The following PIP5K1C variants were observed in gnomAD, a reference collection of about 807,000 sequenced individuals.
PIP5K1C encodes the protein phosphatidylinositol 4-phosphate 5-kinase type-1 gamma.
A neutral mutation model predicts 80.1 loss-of-function variants in PIP5K1C; 45 were observed. The ratio of observed to expected loss-of-function variants is 0.56; its 90% CI spans 0.44 to 0.72. The LOEUF is 0.72. PIP5K1C is among the 30% of genes least tolerant of loss of function. The pLI is 0.00. For missense variants in PIP5K1C, 753 were observed against 954.6 expected, an observed-to-expected ratio of 0.79 and a Z score of 2.78; for synonymous variants, 498 against 420.1, an observed-to-expected ratio of 1.19 and a Z score of -2.27.
At chr19:3,671,532 G>T (rs1370537305) in intron 1 of PIP5K1C, among the ~76,000 whole-genome samples, 4 of 152,218 alleles carry the variant, frequency 2.6e-5, no homozygotes, top group African/African-American at 7.2e-5. Context: ...TCCCTGCACT[G>T]GGGGCCTGTA....
intron 11 of PIP5K1C, 45 bp downstream of exon 11, chr19:3,645,929 C>T (rs775886825): frequency 5.4e-6 from 8 of 1,492,980 alleles, no homozygotes; most frequent in Non-Finnish European, 7.5e-6. Flanking sequence ...GCGCTCTGGG[C>T]CTTCCCCAGG....
At chr19:3,640,898 A>C (rs983271598) in intron 15 of PIP5K1C, among the ~76,000 whole-genome samples, 5 of 152,036 alleles carry the variant, frequency 3.3e-5, no homozygotes, top group African/African-American at 4.8e-5. Flanking sequence ...CATGTTAGCC[A>C]GGATGGTCTC....
At chr19:3,689,880 G>A (rs770389291) in intron 1 of PIP5K1C, among the ~76,000 whole-genome samples, 1 of 152,068 alleles carries the variant, frequency 6.6e-6, no homozygotes, top group Admixed American at 6.5e-5. Context: ...ATGGCAAAAC[G>A]TTAGCAGCTG....
At chr19:3,633,628 TC>T (rs1225697253) in intron 16 of PIP5K1C, 108 bp from the exon 17 acceptor site, 4 of 680,298 alleles carry the variant, frequency 5.9e-6, no homozygotes, top group African/African-American at 3.7e-5. Context: ...AAGAGGCGAA[TC>T]CCCCATGGAA....
chr19:3,638,744 G>A (rs764186717), intron 16 of PIP5K1C, 140 bp downstream of exon 16: 4 of 1,093,194 alleles, frequency 3.7e-6, no homozygotes, highest in Non-Finnish European at 5.5e-6. Flanking sequence ...GCTGGCTGGT[G>A]AGAGAGCATG....
intron 5 of PIP5K1C, among the ~76,000 whole-genome samples, chr19:3,659,911 C>T (rs1453212100): frequency 6.6e-6 from 1 of 152,208 alleles, no homozygotes; most frequent in Non-Finnish European, 1.5e-5. Context: ...AGGCTCCCGG[C>T]CCCGGGGACC....
intron 2 of PIP5K1C, among the ~76,000 whole-genome samples, chr19:3,666,655 G>A (rs1437743371): frequency 3.3e-5 from 5 of 151,384 alleles, no homozygotes; most frequent in Non-Finnish European, 4.4e-5. Context: ...ACACATGCAC[G>A]CAAACATGCA....
intron 1 of PIP5K1C, among the ~76,000 whole-genome samples, chr19:3,684,761 C>T (rs537812871): frequency 2.9e-4 from 44 of 152,340 alleles, no homozygotes; most frequent in African/African-American, 9.9e-4. Context: ...TCACCCGGCA[C>T]GTAGGGCCCA....
At chr19:3,691,962 AC>A (rs1230442093) in intron 1 of PIP5K1C, among the ~76,000 whole-genome samples, 1 of 151,870 alleles carries the variant, frequency 6.6e-6, no homozygotes, top group Non-Finnish European at 1.5e-5. Context: ...AGCTGCTCCC[AC>A]CCCAGGCTCT....
intron 1 of PIP5K1C, 90 bp downstream of exon 1, chr19:3,700,207 G>A (rs1466489118): frequency 9.5e-6 from 7 of 739,278 alleles, no homozygotes; most frequent in African/African-American, 3.8e-5. Flanking sequence ...CGCAGCGACC[G>A]TGCAGCCCCC....
chr19:3,685,436 G>A (rs2035728990), intron 1 of PIP5K1C, among the ~76,000 whole-genome samples: 1 of 152,142 alleles, frequency 6.6e-6, no homozygotes, highest in South Asian at 2.1e-4. Flanking sequence ...GCCCACTAAA[G>A]AAAGTTTTAT....
At position 3,651,868 on chromosome 19, in the gene PIP5K1C, T is replaced by A; in HGVS notation, c.1085A>T (p.Gln362Leu). ...ALYSTAMESI[Q>L]GGAARGEAIE... ...GGCCTCCCCGCGCGCGGCGCCACCC[T>A]GGATGGACTCCATGGCCGTGGAGTA... The change falls in exon 8 of 18, where the codon CAG (glutamine) becomes CTG (leucine). Residue 362 changes from glutamine to leucine, a missense_variant. Transcript: ENST00000335312. 1 of 1,612,658 alleles carries A rather than the reference T, an allele frequency of 6.2e-7. No individual in the cohort carries two copies. The highest frequency in any genetic ancestry group is 2.2e-5 in the East Asian group (1 of 44,880).
At chr19:3,689,088 G>T (rs938177769) in intron 1 of PIP5K1C, among the ~76,000 whole-genome samples, 1 of 152,100 alleles carries the variant, frequency 6.6e-6, no homozygotes, top group Non-Finnish European at 1.5e-5. Flanking sequence ...GTGCAATCAC[G>T]GCTCACTGCA....
rs138798794 is a variant in PIP5K1C at position 3,695,500 on chromosome 19, G to A, written c.94+4797C>T. On this transcript the variant is annotated intron_variant, in intron 1 of 17. Transcript: ENST00000335312. ...CCCACTTTACAGACAGGTACACCGA[G>A]GCTGCACATCCCCGGCTGGCATGCA... Among the ~76,000 whole-genome samples, 754 of 152,328 alleles carry A rather than the reference G, an allele frequency of 4.9e-3. 3 individuals are homozygous for A. Among genetic ancestry groups the A allele is most frequent in the Non-Finnish European group, 7.7e-3 (525 of 68,024 alleles).
intron 11 of PIP5K1C, among the ~76,000 whole-genome samples, chr19:3,645,549 C>A (rs958563812): frequency 3.3e-5 from 5 of 152,246 alleles, no homozygotes; most frequent in African/African-American, 9.6e-5. Context: ...TAGCCTCCTG[C>A]GTTCCCCTGC....
rs1335539266 is a variant in PIP5K1C at position 3,647,394 on chromosome 19, G to C, written c.1212-8C>G. The C allele has an allele frequency of 6.3e-7, 1 of 1,579,184 alleles. No homozygotes were observed. The highest frequency in any genetic ancestry group is 2.3e-5 in the East Asian group (1 of 42,698). On this transcript the variant is annotated splice_polypyrimidine_tract_variant and splice_region_variant and intron_variant, in intron 9 of 17. Coordinates refer to ENST00000335312, the MANE Select transcript of PIP5K1C (RefSeq NM_012398.3). The stretch of plus-strand genomic sequence containing the variant: ...TCCAGTTTCTTGATGAACCTGTGGA[G>C]AGAGCACCCGGAGTGGCAGCTGACA...
At chr19:3,693,933 C>T (rs895351801) in intron 1 of PIP5K1C, among the ~76,000 whole-genome samples, 3 of 151,662 alleles carry the variant, frequency 2.0e-5, no homozygotes, top group Non-Finnish European at 4.4e-5. Context: ...TTAAAAGAGG[C>T]TGGGCGCGGT....
chr19:3,693,189 T>C (rs1377213801), intron 1 of PIP5K1C, among the ~76,000 whole-genome samples: 1 of 152,148 alleles, frequency 6.6e-6, no homozygotes. Context: ...ACGTAGACGA[T>C]GCCCGAACCA....
chr19:3,654,133 C>G (rs528693795), intron 6 of PIP5K1C, among the ~76,000 whole-genome samples: 2 of 152,342 alleles, frequency 1.3e-5, no homozygotes, highest in South Asian at 4.1e-4. Context: ...TCCGAAAGTG[C>G]CAGGACTCCA....
Sources: gnomAD v4.1 joint callset for allele counts (sites outside exome capture counted in the v4.1 genomes callset) on GRCh38, gnomAD v4.1.1 for gene constraint, MANE v1.5 for transcripts, NCBI Gene and HGNC (gene_info 2026-07-23, HGNC 2026-07-21) for gene names.